COL25A1: variants seen among roughly 807,000 people sequenced by gnomAD.
COL25A1 encodes the protein collagen alpha-1(XXV) chain.
Under a neutral mutation model 128.4 loss-of-function variants are expected in COL25A1, and 103 were observed. The observed-to-expected ratio is 0.80, with a 90% confidence interval of 0.68 to 0.94. The LOEUF is 0.94. Ranked by LOEUF, COL25A1 falls within the 40% of genes least tolerant of loss-of-function variation. The pLI is 0.00. For synonymous variants in COL25A1, 279 were observed against 277.2 expected (o/e 1.01, Z -0.06); for missense variants, 745 against 840.0 (o/e 0.89, Z 1.40).
At chr4:109,299,932 T>C (rs1725344798) in intron 3 of COL25A1, among the ~76,000 whole-genome samples, 1 of 152,140 alleles carries the variant, frequency 6.6e-6, no homozygotes, top group Non-Finnish European at 1.5e-5. Flanking sequence ...ACTAATATGC[T>C]GCCTTTAATA....
intron 16 of COL25A1, among the ~76,000 whole-genome samples, chr4:108,891,136 T>C (rs1213781253): frequency 6.6e-6 from 1 of 152,188 alleles, no homozygotes; most frequent in Non-Finnish European, 1.5e-5. Context: ...GGTGAACGAA[T>C]GAACAGATCT....
chr4:109,144,490 G>A (rs1224594687), intron 3 of COL25A1, among the ~76,000 whole-genome samples: 4 of 152,136 alleles, frequency 2.6e-5, no homozygotes, highest in Non-Finnish European at 4.4e-5. Context: ...CTGAAGTTGC[G>A]CCCACAGCCG....
At chr4:108,892,056 C>T (rs1008894712) in intron 16 of COL25A1, among the ~76,000 whole-genome samples, 24 of 151,518 alleles carry the variant, frequency 1.6e-4, no homozygotes, top group Non-Finnish European at 2.9e-4. Context: ...TAAGTGGTAA[C>T]ATGACTGCTG....
chr4:108,814,005 T>C, intron 37 of COL25A1, 76 bp from the exon 38 acceptor site: 1 of 1,203,422 alleles, frequency 8.3e-7, no homozygotes, highest in Non-Finnish European at 1.2e-6. Context: ...CAATATTTAT[T>C]TTCAGAAAAC....
intron 3 of COL25A1, among the ~76,000 whole-genome samples, chr4:109,244,624 C>T (rs915936844): frequency 2.6e-5 from 4 of 152,048 alleles, no homozygotes; most frequent in Non-Finnish European, 5.9e-5. Context: ...TAAAAAAATA[C>T]CCAAGATGCA....
At chr4:108,937,737 T>C in intron 11 of COL25A1, 71 bp downstream of exon 11, 2 of 1,276,830 alleles carry the variant, frequency 1.6e-6, no homozygotes, top group South Asian at 1.3e-5. Context: ...GATACATTCA[T>C]CACACATAAT....
At chr4:109,229,624 G>T (rs1779035161) in intron 3 of COL25A1, among the ~76,000 whole-genome samples, 4 of 152,054 alleles carry the variant, frequency 2.6e-5, no homozygotes. Context: ...CCAACAGAAA[G>T]CACAAAAATT....
At chr4:108,863,450 T>A in intron 20 of COL25A1, 63 bp from the exon 21 acceptor site, 1 of 1,383,486 alleles carries the variant, frequency 7.2e-7, no homozygotes, top group Non-Finnish European at 9.9e-7. Context: ...CCCTGTAGAT[T>A]AATAAATGAG....
intron 3 of COL25A1, among the ~76,000 whole-genome samples, chr4:109,122,351 A>C (rs1768178867): frequency 6.6e-6 from 1 of 152,084 alleles, no homozygotes; most frequent in Admixed American, 6.6e-5. Flanking sequence ...TGTTGATAGC[A>C]CAGGAAGGTG....
intron 13 of COL25A1, among the ~76,000 whole-genome samples, chr4:108,909,004 T>G (rs538947021): frequency 6.6e-5 from 10 of 152,190 alleles, no homozygotes; most frequent in Non-Finnish European, 1.5e-4. Flanking sequence ...ACAATAGTGA[T>G]GTAAGTTGCA....
intron 3 of COL25A1, among the ~76,000 whole-genome samples, chr4:109,091,526 T>C (rs555931972): frequency 6.6e-6 from 1 of 152,312 alleles, no homozygotes; most frequent in Admixed American, 6.5e-5. Flanking sequence ...TGTGTGTGTG[T>C]GTCTGTCTAT....
chr4:108,985,744 C>CT (rs1281012185), intron 6 of COL25A1, among the ~76,000 whole-genome samples: 1 of 152,074 alleles, frequency 6.6e-6, no homozygotes, highest in African/African-American at 2.4e-5. Flanking sequence ...GTGTCTAAAC[C>CT]TTTTTTGTTT....
chr4:108,889,212 A>G lies in COL25A1; in HGVS notation c.975+9T>C. The G allele has an allele frequency of 6.2e-7, 1 of 1,612,098 alleles. No individual in the cohort carries two copies. The highest frequency in any genetic ancestry group is 8.5e-7 in the Non-Finnish European group (1 of 1,178,212). On this transcript the variant is annotated intron_variant, in intron 18 of 37. Transcript: ENST00000399132. ...GACAGTAGGAACACACTAGAGATAG[A>G]GATATTACCTTTTGCCCTGGACGAC...
At chr4:109,073,235 C>T (rs1763126319) in intron 3 of COL25A1, among the ~76,000 whole-genome samples, 1 of 152,058 alleles carries the variant, frequency 6.6e-6, no homozygotes, top group African/African-American at 2.4e-5. Flanking sequence ...TGGCCTCTTA[C>T]CTCAGAATAA....
Position 109,013,109 on chromosome 4 carries a change from A to G in COL25A1, c.421-2734T>C, listed in dbSNP as rs147658746. Reference sequence around the variant, plus strand: ...TAGCTAAAGGATTGTAAATGCACCAATCAGCACTCTGTGTCTAGCTCAAAG... The same window carrying G: ...TAGCTAAAGGATTGTAAATGCACCAGTCAGCACTCTGTGTCTAGCTCAAAG... On this transcript the variant is annotated intron_variant, in intron 5 of 37. Transcript: ENST00000399132. Among the ~76,000 whole-genome samples, 1,243 of 152,156 alleles carry G rather than the reference A, an allele frequency of 8.2e-3. 50 individuals carry two copies. In the East Asian group the frequency reaches 0.13, roughly 16 times the overall value.
At chr4:109,164,913 A>G (rs1043353633) in intron 3 of COL25A1, among the ~76,000 whole-genome samples, 1 of 152,184 alleles carries the variant, frequency 6.6e-6, no homozygotes, top group African/African-American at 2.4e-5. Context: ...CTTATTACTA[A>G]GTCTGGTTGG....
At chr4:109,200,330 CA>C (rs1230953359) in intron 3 of COL25A1, among the ~76,000 whole-genome samples, 1 of 152,214 alleles carries the variant, frequency 6.6e-6, no homozygotes, top group Non-Finnish European at 1.5e-5. Context: ...GCTCCACTTC[CA>C]TTTTACCTCA....
In COL25A1 at chr4:108,852,918, G is replaced by T; in HGVS notation, c.1328C>A (p.Thr443Asn). 6.2e-7 allele frequency: 1 copy of T among 1,610,778 alleles called. No individual in the cohort carries two copies. Among genetic ancestry groups the T allele is most frequent in the South Asian group, 1.1e-5 (1 of 90,588 alleles). The change falls in exon 25 of 38, where the codon ACC (threonine) becomes AAC (asparagine). Residue 443 changes from threonine (T) to asparagine (N), a missense_variant. Thr to Asn is a moderately conservative substitution (Grantham distance 65). This residue lies in a region of COL25A1 where 387 missense variants were observed against 441.9 expected (regional missense o/e 0.88). Coordinates refer to ENST00000399132, the MANE Select transcript of COL25A1 (RefSeq NM_198721.4). ...AGGAGTTACCGTGACAGTTAAGGTG[G>T]TAATCCTCTGTTGGGAAAATGTGTT... Reference protein sequence around the residue: ...GNLHEALQRITTLTVTGPPGP... With the variant: ...GNLHEALQRINTLTVTGPPGP...
intron 3 of COL25A1, among the ~76,000 whole-genome samples, chr4:109,059,362 A>G (rs1761734458): frequency 6.6e-6 from 1 of 152,238 alleles, no homozygotes; most frequent in African/African-American, 2.4e-5. Flanking sequence ...TGCTGAAACT[A>G]ACAATTTGGT....
Sources: gnomAD v4.1 joint callset for allele counts (sites outside exome capture counted in the v4.1 genomes callset) on GRCh38, gnomAD v4.1.1 for gene constraint, gnomAD v4.1.1 regional missense constraint, MANE v1.5 for transcripts, NCBI Gene and HGNC (gene_info 2026-07-23, HGNC 2026-07-21) for gene names.